The following AXIN2 variants were observed in gnomAD, a reference collection of about 807,000 sequenced individuals.
AXIN2 encodes the protein axin 2.
Under a neutral mutation model 74.7 loss-of-function variants are expected in AXIN2, and 21 were observed. The observed-to-expected ratio is 0.28, with a 90% CI of 0.20 to 0.40. The LOEUF is 0.40. Ranked by LOEUF, AXIN2 falls within the 10% of genes least tolerant of loss-of-function variation. The pLI is 1.00. For synonymous variants in AXIN2, 532 were observed against 454.9 expected (o/e 1.17, Z -2.16); for missense variants, 1,144 against 1,111.1 (o/e 1.03, Z -0.42).
At chr17:65,539,512 G>A (rs1219979750) in intron 4 of AXIN2, among the ~76,000 whole-genome samples, 1 of 152,136 alleles carries the variant, frequency 6.6e-6, no homozygotes, top group African/African-American at 2.4e-5. Context: ...ACTTTTCTTT[G>A]TTAACTCACA....
At position 65,529,989 on chromosome 17, in the gene AXIN2, TC is replaced by T; in HGVS notation, c.2518del (p.Glu840SerfsTer21). 1 of 1,614,182 alleles carries T rather than the reference TC, an allele frequency of 6.2e-7. No individual in the cohort carries two copies. The highest frequency in any genetic ancestry group is 8.5e-7 in the Non-Finnish European group (1 of 1,180,050). ...MYEGRILGKVERID is the reference protein window; with the variant it reads ...MYEGRILGKVXRID ...AGACCCCAGGGCTCAATCGATCCGC[TC>T]CACTTTGCCCAGAATCCGGCCTTCA... On this transcript the variant is annotated frameshift_variant, in exon 11 of 11. Coordinates refer to ENST00000307078, the MANE Select transcript of AXIN2 (RefSeq NM_004655.4). LOFTEE classifies it high-confidence loss of function.
intron 10 of AXIN2, among the ~76,000 whole-genome samples, chr17:65,530,586 G>A (rs1234320996): frequency 2.0e-5 from 3 of 152,210 alleles, no homozygotes; most frequent in Admixed American, 6.5e-5. Context: ...GCCGAAGTCT[G>A]TAAAAGGCTG....
intron 4 of AXIN2, among the ~76,000 whole-genome samples, chr17:65,540,624 G>C (rs999422472): frequency 4.6e-5 from 7 of 152,096 alleles, no homozygotes; most frequent in Admixed American, 1.3e-4. Context: ...TGCACCTAGT[G>C]GGAGGTGTTT....
At chr17:65,532,042 C>CT (rs1226530737) in intron 10 of AXIN2, among the ~76,000 whole-genome samples, 2 of 152,166 alleles carry the variant, frequency 1.3e-5, no homozygotes, top group Non-Finnish European at 2.9e-5. Context: ...CAGGAGGACA[C>CT]TGAGTCTAGC....
At chr17:65,544,625 TC>T (rs1356057137) in intron 3 of AXIN2, among the ~76,000 whole-genome samples, 2 of 152,160 alleles carry the variant, frequency 1.3e-5, no homozygotes, top group Non-Finnish European at 2.9e-5. Context: ...AAGTCTGTGA[TC>T]AGTTTCCTGG....
chr17:65,553,772 C>A (rs752880096), intron 2 of AXIN2, among the ~76,000 whole-genome samples: 5 of 148,596 alleles, frequency 3.4e-5, no homozygotes, highest in Non-Finnish European at 7.4e-5. Flanking sequence ...AGAACCCAGA[C>A]CTTTGTCAAA....
chr17:65,542,267 A>C (rs2044055062), intron 3 of AXIN2, among the ~76,000 whole-genome samples: 1 of 152,230 alleles, frequency 6.6e-6, no homozygotes, highest in Admixed American at 6.5e-5. Context: ...TGTGCAATCC[A>C]TTTAAAGATT....
intron 3 of AXIN2, among the ~76,000 whole-genome samples, chr17:65,542,030 G>GGCTA (rs1169013445): frequency 6.6e-6 from 1 of 152,084 alleles, no homozygotes; most frequent in African/African-American, 2.4e-5. Flanking sequence ...ACCTACAGAG[G>GGCTA]GCTAAATCAG....
At chr17:65,558,994 A>G (rs1480948692) in intron 1 of AXIN2, among the ~76,000 whole-genome samples, 1 of 151,908 alleles carries the variant, frequency 6.6e-6, no homozygotes, top group Non-Finnish European at 1.5e-5. Context: ...GGGGAAGGTG[A>G]GAGGAAGGCA....
In AXIN2 at chr17:65,537,419, C is replaced by T; in HGVS notation, c.1617G>A (p.Val539=). ...EEIEAEATQR[V]HCFCPGGSEY... is the part of the protein sequence containing the mutation. ...CGCTGCCCCCAGGGCAGAAGCAGTG[C>T]ACCCGCTGCGTGGCCTCCGCCTCGA... The change falls in exon 6 of 11, where the codon GTG becomes GTA. Residue 539 remains valine (V), a synonymous_variant. Coordinates refer to ENST00000307078, the MANE Select transcript of AXIN2 (RefSeq NM_004655.4). 1 of 1,614,040 alleles carries T rather than the reference C, an allele frequency of 6.2e-7. No individual in the cohort carries two copies.
chr17:65,541,618 G>A, intron 3 of AXIN2, 61 bp from the exon 4 acceptor site: 2 of 1,377,060 alleles, frequency 1.5e-6, no homozygotes, highest in Non-Finnish European at 1.0e-6. Flanking sequence ...CACATCACAT[G>A]GGCTACTGTC....
rs753818535 is a variant in AXIN2, at chr17:65,528,615, T to C, written c.*1361A>G. 1 of 497,894 alleles carries C rather than the reference T, an allele frequency of 2.0e-6. No homozygotes were observed. The highest frequency in any genetic ancestry group is 3.3e-4 in the Middle Eastern group (1 of 2,988). 30.8% of individuals were successfully genotyped at this position (497,894 alleles called of 1,614,324 possible). A position where few individuals can be genotyped will look rare whatever the true frequency, so the allele number is the denominator to read the frequency against. On this transcript the variant is annotated 3_prime_UTR_variant, in exon 11 of 11. Coordinates refer to ENST00000307078, the MANE Select transcript of AXIN2 (RefSeq NM_004655.4). ...GGCTACATCTCTTAATTACAATAATTATTGTACCAAGTAATTTTCCTTAAA... is the reference window on the plus strand; with the variant it reads ...GGCTACATCTCTTAATTACAATAATCATTGTACCAAGTAATTTTCCTTAAA...
chr17:65,537,850 G>A lies in AXIN2; in HGVS notation c.1201-15C>T. 2 of 1,533,960 alleles carry A rather than the reference G, an allele frequency of 1.3e-6. No homozygotes were observed. Among genetic ancestry groups the A allele is most frequent in the South Asian group, 1.3e-5 (1 of 78,186 alleles). Reference sequence around the variant, plus strand: ...CTCTCTTCATCCTGAAAGGGAAGACGTCAGAAGGAGAAGTGACCCAGGAAG... The same window carrying A: ...CTCTCTTCATCCTGAAAGGGAAGACATCAGAAGGAGAAGTGACCCAGGAAG... On this transcript the variant is annotated splice_polypyrimidine_tract_variant and intron_variant, in intron 5 of 10. Transcript: ENST00000307078.
chr17:65,539,881 G>C (rs1276668719), intron 4 of AXIN2, among the ~76,000 whole-genome samples: 1 of 152,204 alleles, frequency 6.6e-6, no homozygotes, highest in Admixed American at 6.5e-5. Flanking sequence ...CCTAAAATGG[G>C]AATGTAGATG....
At chr17:65,536,215 G>T in intron 8 of AXIN2, 105 bp downstream of exon 8, 1 of 1,196,360 alleles carries the variant, frequency 8.4e-7, no homozygotes, top group Non-Finnish European at 1.2e-6. Context: ...TCATGGGAGG[G>T]TTTGAGACCC....
chr17:65,547,144 A>C (rs2144526553), intron 3 of AXIN2, among the ~76,000 whole-genome samples: 1 of 152,306 alleles, frequency 6.6e-6, no homozygotes, highest in African/African-American at 2.4e-5. Context: ...TTCTTCTGGG[A>C]AGGGGATAAA....
At chr17:65,537,979 CCCG>C (rs2043968623) in intron 5 of AXIN2, 144 bp from the exon 6 acceptor site, 3 of 1,340,392 alleles carry the variant, frequency 2.2e-6, no homozygotes, top group Non-Finnish European at 3.1e-6. Flanking sequence ...CACGCACAGG[CCCG>C]CCTACACAAG....
chr17:65,545,457 AGGTG>A (rs1174100647), intron 3 of AXIN2, among the ~76,000 whole-genome samples: 1 of 152,148 alleles, frequency 6.6e-6, no homozygotes, highest in Non-Finnish European at 1.5e-5. Context: ...TAGGAGGCCG[AGGTG>A]GGTGGGTCAC....
intron 4 of AXIN2, 102 bp from the exon 5 acceptor site, chr17:65,538,445 C>G: frequency 2.7e-6 from 4 of 1,504,546 alleles, no homozygotes; most frequent in Non-Finnish European, 3.6e-6. Flanking sequence ...ACCGCAAACC[C>G]ATGTTCGGGT....
Sources: allele counts gnomAD v4.1 joint callset (sites outside exome capture counted in the v4.1 genomes callset), GRCh38; gene constraint gnomAD v4.1.1; transcripts MANE v1.5; gene names NCBI Gene and HGNC (gene_info 2026-07-23, HGNC 2026-07-21).